Variants in SV2C observed in about 807,000 individuals in gnomAD.
SV2C encodes synaptic vesicle glycoprotein 2C.
SV2C carries 49 observed loss-of-function variants against 79.7 expected under a neutral mutation model. That is an observed-to-expected ratio of 0.61 (90% CI 0.49 to 0.78). SV2C has a LOEUF of 0.78. Ranked by LOEUF, SV2C falls within the 30% of genes least tolerant of loss-of-function variation. The pLI is 0.00. For synonymous variants in SV2C, 334 were observed against 333.2 expected (o/e 1.00, Z -0.03); for missense variants, 833 against 912.9 (o/e 0.91, Z 1.13).
intron 12 of SV2C, among the ~76,000 whole-genome samples, chr5:76,342,917 T>G (rs963134137): frequency 1.1e-4 from 17 of 150,212 alleles, no homozygotes; most frequent in Non-Finnish European, 2.4e-4. Context: ...GAGATGGGGA[T>G]CTTGCTATGT....
At chr5:76,321,929 T>G (rs1030951599) in intron 12 of SV2C, among the ~76,000 whole-genome samples, 1 of 152,152 alleles carries the variant, frequency 6.6e-6, no homozygotes, top group African/African-American at 2.4e-5. Context: ...TTCTCTTCTG[T>G]CATATTTTCT....
At chr5:75,964,516 G>A in the SV2C span, among the ~76,000 whole-genome samples, 14 of 152,042 alleles carry the variant, frequency 9.2e-5, no homozygotes, top group Non-Finnish European at 1.5e-4. Flanking sequence ...TCAGACTCTC[G>A]GTAAGCTCCA....
At chr5:76,037,581 C>G in the SV2C span, among the ~76,000 whole-genome samples, 209 of 152,332 alleles carry the variant, frequency 1.4e-3, no homozygotes, top group Non-Finnish European at 2.2e-3. Context: ...CGGGGACCCA[C>G]TTGAGGAGGC....
the SV2C span, among the ~76,000 whole-genome samples, chr5:75,977,449 C>T: frequency 0.12 from 17,890 of 152,220 alleles, 3,038 homozygotes; most frequent in African/African-American, 0.38. Flanking sequence ...TTCCTCTGCT[C>T]AGTTCACTGG....
chr5:76,204,864 T>C lies in SV2C; in HGVS notation c.762-4872T>C, dbSNP rs80168659. 4.6e-3 allele frequency among the ~76,000 whole-genome samples: 702 copies of C among 152,322 alleles called. 7 individuals are homozygous for C. Among genetic ancestry groups the C allele is most frequent in the African/African-American group, 0.016 (674 of 41,568 alleles). ...GAACTGGAGTAAGACGAGGCGTGGC[T>C]GTGAAATTCACAGTCAGGCTTCCCA... On this transcript the variant is annotated intron_variant, in intron 3 of 12. Transcript: ENST00000502798.
At chr5:76,149,312 C>T (rs1287659861) in intron 2 of SV2C, among the ~76,000 whole-genome samples, 4 of 152,182 alleles carry the variant, frequency 2.6e-5, no homozygotes, top group Admixed American at 2.0e-4. Flanking sequence ...AACACCATGA[C>T]CTAGACCAGT....
chr5:75,992,908 C>T, the SV2C span, among the ~76,000 whole-genome samples: 11 of 151,922 alleles, frequency 7.2e-5, no homozygotes, highest in African/African-American at 2.7e-4. Flanking sequence ...GGAAGTGATA[C>T]TGGCAAAAAC....
the SV2C span, among the ~76,000 whole-genome samples, chr5:76,037,676 G>C: frequency 6.6e-6 from 1 of 152,306 alleles, no homozygotes; most frequent in South Asian, 2.1e-4. Flanking sequence ...ATTTAAGTCT[G>C]CAGAGGTTAC....
chr5:76,086,362 A>G lies in SV2C; in HGVS notation c.-102+2850A>G, dbSNP rs988607415. ...GATGACATATTGTATGAATAAAAGC[A>G]TGTGATTTGTCAAAATGGCTCCTTA... On this transcript the variant is annotated intron_variant, in intron 1 of 12. Coordinates refer to ENST00000502798, the MANE Select transcript of SV2C (RefSeq NM_014979.4). 7.9e-5 allele frequency among the ~76,000 whole-genome samples: 12 copies of G among 152,346 alleles called. No individual in the cohort carries two copies. The South Asian group carries it at 1.9e-3, about 24-fold the overall frequency.
chr5:76,034,410 T>C, the SV2C span, among the ~76,000 whole-genome samples: 3 of 152,236 alleles, frequency 2.0e-5, no homozygotes, highest in Non-Finnish European at 4.4e-5. Flanking sequence ...CTTATTATTT[T>C]GAGATACATC....
chr5:75,942,872 AC>A, the SV2C span, among the ~76,000 whole-genome samples: 24 of 152,012 alleles, frequency 1.6e-4, no homozygotes, highest in Non-Finnish European at 3.4e-4. Flanking sequence ...GAATTAAGAA[AC>A]CTCATTTGGA....
the SV2C span, among the ~76,000 whole-genome samples, chr5:75,940,328 C>A: frequency 2.6e-5 from 4 of 151,900 alleles, no homozygotes; most frequent in African/African-American, 7.3e-5. Flanking sequence ...TATGCCACTG[C>A]ACTTCAGCCG....
the SV2C span, among the ~76,000 whole-genome samples, chr5:75,895,880 A>G: frequency 6.6e-6 from 1 of 152,146 alleles, no homozygotes; most frequent in African/African-American, 2.4e-5. Context: ...ATTTTCCACA[A>G]AAACATTAAT....
At chr5:76,352,644 A>G (rs1749663307) in intron 12 of SV2C, among the ~76,000 whole-genome samples, 2 of 152,254 alleles carry the variant, frequency 1.3e-5, no homozygotes. Flanking sequence ...TATGTTCTTT[A>G]TAAATGATCC....
chr5:76,186,394 A>C (rs1470434572), intron 2 of SV2C, among the ~76,000 whole-genome samples: 1 of 152,168 alleles, frequency 6.6e-6, no homozygotes, highest in Non-Finnish European at 1.5e-5. Flanking sequence ...TGAGTAATTT[A>C]TAAGGAAAAG....
chr5:75,911,521 G>A, the SV2C span: 1 of 692,898 alleles, frequency 1.4e-6, no homozygotes, highest in Non-Finnish European at 2.6e-6. Flanking sequence ...TGGCCCTAGG[G>A]TCTCCTTGGG....
the SV2C span, among the ~76,000 whole-genome samples, chr5:76,072,110 T>TA: frequency 2.0e-5 from 3 of 152,026 alleles, no homozygotes; most frequent in Non-Finnish European, 4.4e-5. Context: ...AACTAAATTT[T>TA]AAAAAAACTA....
At chr5:75,873,308 G>C in the SV2C span, among the ~76,000 whole-genome samples, 1 of 151,934 alleles carries the variant, frequency 6.6e-6, no homozygotes, top group African/African-American at 2.4e-5. Context: ...ATTCACAAAA[G>C]AGATACAAAT....
At chr5:76,149,913 G>A (rs1749549690) in intron 2 of SV2C, among the ~76,000 whole-genome samples, 1 of 152,198 alleles carries the variant, frequency 6.6e-6, no homozygotes, top group Non-Finnish European at 1.5e-5. Flanking sequence ...GAGTTATAAT[G>A]TGACTCCTTC....
Sources: allele counts gnomAD v4.1 joint callset (sites outside exome capture counted in the v4.1 genomes callset), GRCh38; gene constraint gnomAD v4.1.1; transcripts MANE v1.5; gene names NCBI Gene and HGNC (gene_info 2026-07-23, HGNC 2026-07-21).